STAT5B: variants seen among roughly 807,000 people sequenced by gnomAD.
STAT5B encodes the protein transcription factor STAT5B.
In STAT5B, 21 loss-of-function variants were observed where a neutral mutation model predicts 107.8. The ratio of observed to expected loss-of-function variants is 0.19; its 90% CI spans 0.14 to 0.28. The LOEUF is 0.28. STAT5B is among the 10% of genes least tolerant of loss of function. The pLI is 1.00. For synonymous variants in STAT5B, 325 were observed against 401.7 expected (o/e 0.81, Z 2.28); for missense variants, 565 against 1,008.2 (o/e 0.56, Z 5.95).
chr17:42,260,992 C>T (rs2080591202), intron 1 of STAT5B, among the ~76,000 whole-genome samples: 3 of 151,138 alleles, frequency 2.0e-5, no homozygotes, highest in Non-Finnish European at 4.4e-5. Context: ...TCTCAGCTCA[C>T]TGCAACATCT....
At chr17:42,211,803 G>A (rs2080131796) in intron 13 of STAT5B, among the ~76,000 whole-genome samples, 181 bp downstream of exon 13, 1 of 152,224 alleles carries the variant, frequency 6.6e-6, no homozygotes, top group East Asian at 1.9e-4. Context: ...AATATGCAAA[G>A]ATGTAATTTT....
rs756695652 is a variant in STAT5B, at chr17:42,201,804, C to T, written c.2298G>A (p.Ala766=). The T allele has an allele frequency of 1.2e-5, 20 of 1,613,950 alleles. No homozygotes were observed. Among genetic ancestry groups the T allele is most frequent in the South Asian group, 9.9e-5 (9 of 91,080 alleles). ...DFDLEDTMDV[A]RRVEELLGRP... ...GGCCCAGGAGCTCCTCCACACGCCG[C>T]GCTACGTCCATTGTGTCCTCCAGAT... Residue 766 remains alanine (A), a synonymous_variant, in exon 19 of 19, where the codon GCG becomes GCA. Transcript: ENST00000293328.
In STAT5B at chr17:42,236,766, A is replaced by C. The variant is rs140539597; in HGVS notation, c.-10-4629T>G. On this transcript the variant is annotated intron_variant, in intron 1 of 18. Transcript: ENST00000293328. ...AGTAGTATTTTTCTTCATACATGTC[A>C]CAACTCTTCACCCCATTATCAGGCT... is the stretch of plus-strand genomic sequence containing the variant. Among the ~76,000 whole-genome samples the C allele has an allele frequency of 2.6e-4, 40 of 152,214 alleles. No individual in the cohort carries two copies. In the East Asian group the frequency reaches 7.7e-3, roughly 29 times the overall value.
At chr17:42,283,279 C>G in the STAT5B span, among the ~76,000 whole-genome samples, 1 of 152,204 alleles carries the variant, frequency 6.6e-6, no homozygotes, top group Non-Finnish European at 1.5e-5. Context: ...GCCAATTCCA[C>G]TCAGCTGCCT....
At chr17:42,214,865 T>C (rs1407032175) in intron 12 of STAT5B, among the ~76,000 whole-genome samples, 2 of 152,016 alleles carry the variant, frequency 1.3e-5, no homozygotes, top group African/African-American at 4.8e-5. Flanking sequence ...TCCTCCCGCC[T>C]CAGCCCCCCC....
chr17:42,260,722 G>A (rs1326586571), intron 1 of STAT5B, among the ~76,000 whole-genome samples: 1 of 151,932 alleles, frequency 6.6e-6, no homozygotes, highest in Non-Finnish European at 1.5e-5. Context: ...TTGATCAAAT[G>A]TTGAAATGAT....
chr17:42,217,123 A>ACG, intron 11 of STAT5B, 37 bp downstream of exon 11: 1 of 1,593,384 alleles, frequency 6.3e-7, no homozygotes, highest in African/African-American at 1.4e-5. Flanking sequence ...ACACACACAC[A>ACG]CGCACACGCA....
chr17:42,216,163 CTCTT>C, intron 11 of STAT5B, 57 bp from the exon 12 acceptor site: 10 of 1,429,806 alleles, frequency 7.0e-6, no homozygotes, highest in Middle Eastern at 2.0e-4. Context: ...TTCTCCTTCT[CTCTT>C]TTTTTTTTTT....
At chr17:42,238,539 C>T (rs1010529790) in intron 1 of STAT5B, among the ~76,000 whole-genome samples, 2 of 150,784 alleles carry the variant, frequency 1.3e-5, no homozygotes, top group Non-Finnish European at 1.5e-5. Context: ...ACTGCAACCT[C>T]CGCCTCCCGG....
chr17:42,265,887 G>A (rs1411978482), intron 1 of STAT5B, among the ~76,000 whole-genome samples: 3 of 151,756 alleles, frequency 2.0e-5, no homozygotes, highest in East Asian at 1.9e-4. Flanking sequence ...TATGATTATC[G>A]GCTATTTGTA....
At chr17:42,259,763 T>G (rs1304769587) in intron 1 of STAT5B, among the ~76,000 whole-genome samples, 1 of 151,290 alleles carries the variant, frequency 6.6e-6, no homozygotes. Flanking sequence ...CTCGGCAAAA[T>G]AGCGAGATTC....
Position 42,210,128 on chromosome 17 carries a change from C to T in STAT5B, c.1906+43G>A, listed in dbSNP as rs374558813. 8.8e-5 allele frequency: 142 copies of T among 1,613,932 alleles called. 1 individual carries two copies. Among genetic ancestry groups the T allele is most frequent in the African/African-American group, 1.6e-4 (12 of 74,994 alleles). ...ATTATTTGTTAAAATAATTTTGTAA[C>T]GAAAGCAGCTAACTTTGGACATAAG... On this transcript the variant is annotated intron_variant, in intron 15 of 18. Transcript: ENST00000293328.
Position 42,205,059 on chromosome 17 carries a change from G to A in STAT5B, c.2078-2251C>T, listed in dbSNP as rs534645182. Reference sequence around the variant, plus strand: ...TTTCTTTTTTTTGAGGCAGAGTCTCGCTCTGTTGCCCAGGCTGGAGTGCAG... The same window carrying A: ...TTTCTTTTTTTTGAGGCAGAGTCTCACTCTGTTGCCCAGGCTGGAGTGCAG... On this transcript the variant is annotated intron_variant, in intron 16 of 18. Transcript: ENST00000293328. 7.9e-5 allele frequency among the ~76,000 whole-genome samples: 12 copies of A among 152,102 alleles called. No homozygotes were observed. In the East Asian group the frequency reaches 1.7e-3, roughly 22 times the overall value.
At chr17:42,252,224 AG>A (rs1386816757) in intron 1 of STAT5B, among the ~76,000 whole-genome samples, 1 of 152,192 alleles carries the variant, frequency 6.6e-6, no homozygotes. Context: ...CCACAAGCCT[AG>A]GAAAAGTGCC....
chr17:42,225,885 A>G (rs1228115389), intron 3 of STAT5B, among the ~76,000 whole-genome samples: 2 of 152,216 alleles, frequency 1.3e-5, no homozygotes, highest in African/African-American at 4.8e-5. Context: ...ACATCAGACA[A>G]ACCCCAAATG....
intron 12 of STAT5B, among the ~76,000 whole-genome samples, chr17:42,214,879 G>A (rs1349102243): frequency 6.6e-6 from 1 of 152,060 alleles, no homozygotes; most frequent in African/African-American, 2.4e-5. Context: ...CCCCCCCCAA[G>A]TAGCTGGGAC....
At chr17:42,247,859 G>A (rs113018251) in intron 1 of STAT5B, among the ~76,000 whole-genome samples, 52 of 151,618 alleles carry the variant, frequency 3.4e-4, no homozygotes, top group African/African-American at 1.2e-3. Context: ...AGGATGAGGT[G>A]GGAGAATCAC....
In STAT5B at chr17:42,229,339, G is replaced by A. The variant is rs544594701; in HGVS notation, c.129-1654C>T. Among the ~76,000 whole-genome samples, 371 of 151,552 alleles carry A rather than the reference G, an allele frequency of 2.4e-3. 1 individual carries two copies. Among genetic ancestry groups the A allele is most frequent in the African/African-American group, 8.6e-3 (356 of 41,356 alleles). ...TAATTTTTGTATTTTTAATAGAGAC[G>A]GGGTTTTACCATGTTGGCCAGGCTG... On this transcript the variant is annotated intron_variant, in intron 2 of 18. Transcript: ENST00000293328.
intron 1 of STAT5B, chr17:42,270,510 CTT>C (rs1250144120): frequency 6.6e-6 from 1 of 152,110 alleles, no homozygotes; most frequent in Non-Finnish European, 1.5e-5. Context: ...TGAAAGACAA[CTT>C]ATAATAAAAA....
Sources: allele counts gnomAD v4.1 joint callset (sites outside exome capture counted in the v4.1 genomes callset), GRCh38; gene constraint gnomAD v4.1.1; transcripts MANE v1.5; gene names NCBI Gene and HGNC (gene_info 2026-07-23, HGNC 2026-07-21).